The following SNRPN variants were observed in gnomAD, a reference collection of about 807,000 sequenced individuals.
SNRPN encodes small nuclear ribonucleoprotein-associated protein N.
A neutral mutation model predicts 25.2 loss-of-function variants in SNRPN; 7 were observed. The ratio of observed to expected loss-of-function variants is 0.28; its 90% CI spans 0.16 to 0.52. The LOEUF (loss-of-function observed/expected upper bound fraction) is 0.52, where lower values mean the gene tolerates loss of function less well. Ranked by LOEUF, SNRPN falls within the 20% of genes least tolerant of loss-of-function variation. The pLI, the probability that SNRPN is intolerant of heterozygous loss-of-function variation, is 0.96. For synonymous variants in SNRPN, 124 were observed against 110.6 expected (o/e 1.12, Z -0.76); for missense variants, 196 against 322.5 (o/e 0.61, Z 3.00).
chr15:24,917,219 T>C (rs1010393677), intron 2 of SNRPN, among the ~76,000 whole-genome samples: 23 of 152,290 alleles, frequency 1.5e-4, no homozygotes, highest in Admixed American at 1.4e-3. Context: ...GAATCAGCTT[T>C]TAAAGGCCAT....
At position 24,946,494 on chromosome 15, in the gene SNRPN, G is replaced by A. The variant is rs138465632; in HGVS notation, c.-390-15620G>A. Reference sequence around the variant, plus strand: ...TTTGTTTTTTTGAGACGAAGTCTTGGAATCTCACTCTATCACCCAGACTAG... The same window carrying A: ...TTTGTTTTTTTGAGACGAAGTCTTGAAATCTCACTCTATCACCCAGACTAG... On this transcript the variant is annotated intron_variant, in intron 3 of 11. Transcript: ENST00000400097. Among the ~76,000 whole-genome samples the A allele has an allele frequency of 4.9e-4, 75 of 152,274 alleles. 1 individual carries two copies. The highest frequency in any genetic ancestry group is 8.5e-4 in the Admixed American group (13 of 15,284).
intron 2 of SNRPN, among the ~76,000 whole-genome samples, chr15:24,890,841 G>GA (rs1387325828): frequency 3.3e-5 from 5 of 152,208 alleles, no homozygotes; most frequent in African/African-American, 1.2e-4. Flanking sequence ...TCTCAGCCAT[G>GA]ATGCATTTTG....
At chr15:24,935,638 T>C (rs568328813) in intron 3 of SNRPN, among the ~76,000 whole-genome samples, 4 of 152,288 alleles carry the variant, frequency 2.6e-5, no homozygotes, top group East Asian at 1.9e-4. Flanking sequence ...GCTTTAAACA[T>C]GTCATCTCAA....
intron 2 of SNRPN, among the ~76,000 whole-genome samples, chr15:24,889,772 G>C (rs568794764): frequency 6.6e-6 from 1 of 152,084 alleles, no homozygotes; most frequent in South Asian, 2.1e-4. Context: ...ACCCCTGGCT[G>C]GGTGTGGTGG....
chr15:24,856,029 T>G (rs1486654627), upstream of SNRPN, among the ~76,000 whole-genome samples: 2 of 152,190 alleles, frequency 1.3e-5, no homozygotes, highest in South Asian at 2.1e-4. Context: ...TGTGTATATA[T>G]GCTTGTGTCT....
At chr15:24,911,515 T>A (rs1010422198) in intron 2 of SNRPN, among the ~76,000 whole-genome samples, 2 of 152,128 alleles carry the variant, frequency 1.3e-5, no homozygotes, top group Non-Finnish European at 2.9e-5. Flanking sequence ...ATGTATCTGC[T>A]CCCTGAAGTC....
At chr15:24,859,485 G>A (rs2053782762) in intron 1 of SNRPN, among the ~76,000 whole-genome samples, 1 of 152,210 alleles carries the variant, frequency 6.6e-6, no homozygotes, top group Non-Finnish European at 1.5e-5. Flanking sequence ...TCAGTCTAAT[G>A]GAATAAAAAC....
rs886051016 is a variant in SNRPN, at chr15:24,962,124, C to T, written c.-380C>T. ...TCTTTTCTGTTTCAGGGATCGCTTACACCTGAGACGAACTACAGAACAGCA... is the reference window on the plus strand; with the variant it reads ...TCTTTTCTGTTTCAGGGATCGCTTATACCTGAGACGAACTACAGAACAGCA... On this transcript the variant is annotated 5_prime_UTR_variant, in exon 2 of 10. Coordinates refer to ENST00000390687, the MANE Select transcript of SNRPN (RefSeq NM_003097.6). 1 of 1,614,096 alleles carries T rather than the reference C, an allele frequency of 6.2e-7. No individual in the cohort carries two copies. Among genetic ancestry groups the T allele is most frequent in the Non-Finnish European group, 8.5e-7 (1 of 1,179,972 alleles).
At chr15:24,843,423 G>GGATC (rs1024811973) in intron 2 of SNRPN, among the ~76,000 whole-genome samples, 53 of 152,120 alleles carry the variant, frequency 3.5e-4, no homozygotes, top group Non-Finnish European at 4.9e-4. Flanking sequence ...CAAGATGGGA[G>GGATC]GATCACTTGA....
chr15:24,954,983 T>C, upstream of SNRPN: 1 of 1,607,478 alleles, frequency 6.2e-7, no homozygotes. Context: ...GCAGCGAGTC[T>C]GGCGCAGAGT....
intron 3 of SNRPN, chr15:24,921,256 G>C (rs149233123): frequency 6.6e-6 from 1 of 152,314 alleles, no homozygotes; most frequent in East Asian, 1.9e-4. Flanking sequence ...CATTAAGCAG[G>C]TGAGCAGAGT....
upstream of SNRPN, among the ~76,000 whole-genome samples, chr15:24,954,219 G>C (rs1426916816): frequency 6.6e-6 from 1 of 152,102 alleles, no homozygotes; most frequent in East Asian, 1.9e-4. Context: ...TTATATAAAA[G>C]TGCCTGTTTC....
upstream of SNRPN, among the ~76,000 whole-genome samples, chr15:24,852,930 T>A (rs1163765226): frequency 6.6e-6 from 1 of 151,984 alleles, no homozygotes; most frequent in African/African-American, 2.4e-5. Flanking sequence ...TGAGACCATA[T>A]CTCAACAAAA....
At chr15:24,848,267 CG>C (rs1251319736) in intron 2 of SNRPN, 34 of 41,884 alleles carry the variant, frequency 8.1e-4, no homozygotes, top group Admixed American at 3.3e-3. Context: ...GGGGCGGGGG[CG>C]GGGGCAGATC....
At chr15:24,837,494 G>C (rs942982239) in intron 2 of SNRPN, among the ~76,000 whole-genome samples, 1 of 148,952 alleles carries the variant, frequency 6.7e-6, no homozygotes, top group South Asian at 2.1e-4. Context: ...TCAGCCTCCC[G>C]AGTAGCTGGG....
intron 3 of SNRPN, among the ~76,000 whole-genome samples, chr15:24,972,827 T>C (rs2076598853): frequency 6.6e-6 from 1 of 152,094 alleles, no homozygotes; most frequent in Admixed American, 6.6e-5. Context: ...ACAGACTGCA[T>C]ATGTCAGAGC....
chr15:24,957,709 G>C (rs1273323520), intron 1 of SNRPN, among the ~76,000 whole-genome samples: 1 of 152,032 alleles, frequency 6.6e-6, no homozygotes, highest in Non-Finnish European at 1.5e-5. Flanking sequence ...CAGGAGTCTG[G>C]GATTTTATAT....
At chr15:24,974,983 G>A in intron 4 of SNRPN, 1 of 702,874 alleles carries the variant, frequency 1.4e-6, no homozygotes, top group East Asian at 2.7e-5. Context: ...AAATAAAGAG[G>A]GCTTTGAAAA....
chr15:24,874,309 CAA>C (rs199834006), intron 1 of SNRPN, among the ~76,000 whole-genome samples: 24 of 61,430 alleles, frequency 3.9e-4, no homozygotes, highest in African/African-American at 1.5e-3. Context: ...GACTCTGTCT[CAA>C]AAAAAAAAAA....
Sources: gnomAD v4.1 joint callset for allele counts (sites outside exome capture counted in the v4.1 genomes callset) on GRCh38, gnomAD v4.1.1 for gene constraint, MANE v1.5 for transcripts, NCBI Gene and HGNC (gene_info 2026-07-23, HGNC 2026-07-21) for gene names.